Variants in HDAC9 observed in about 807,000 individuals in gnomAD.
HDAC9 encodes the protein histone deacetylase 9.
In HDAC9, 41 loss-of-function variants were observed where a neutral mutation model predicts 139.4. The ratio of observed to expected loss-of-function variants is 0.29; its 90% CI spans 0.23 to 0.38. The LOEUF (loss-of-function observed/expected upper bound fraction) is 0.38, where lower values mean the gene tolerates loss of function less well. Ranked by LOEUF, HDAC9 falls within the 10% of genes least tolerant of loss-of-function variation. HDAC9 has a pLI of 1.00. For synonymous variants in HDAC9, 517 were observed against 476.2 expected (o/e 1.09, Z -1.12); for missense variants, 1,147 against 1,297.0 (o/e 0.88, Z 1.78).
chr7:18,590,221 A>G, intron 3 of HDAC9, 115 bp from the exon 4 acceptor site: 2 of 1,085,158 alleles, frequency 1.8e-6, no homozygotes, highest in Non-Finnish European at 2.6e-6. Context: ...AAGTGGGTAC[A>G]AATATGAACT....
intron 2 of HDAC9, among the ~76,000 whole-genome samples, chr7:18,575,661 A>G (rs1825747540): frequency 1.3e-5 from 2 of 152,382 alleles, no homozygotes; most frequent in South Asian, 4.1e-4. Context: ...GTTGCCAGAA[A>G]TGTGTTAACT....
At chr7:18,449,961 T>C (rs909994309) in intron 1 of HDAC9, among the ~76,000 whole-genome samples, 1 of 152,198 alleles carries the variant, frequency 6.6e-6, no homozygotes, top group African/African-American at 2.4e-5. Context: ...TTTTGCCATT[T>C]TTCATGACAT....
At chr7:18,668,538 A>T (rs892204949) in intron 12 of HDAC9, 3 of 979,214 alleles carry the variant, frequency 3.1e-6, no homozygotes, top group Admixed American at 6.2e-5. Context: ...AAACAAAAAA[A>T]ACTATTTTTT....
intron 1 of HDAC9, among the ~76,000 whole-genome samples, chr7:18,373,917 A>G (rs1001500771): frequency 6.6e-6 from 1 of 152,116 alleles, no homozygotes; most frequent in African/African-American, 2.4e-5. Context: ...AAAGCACTCT[A>G]TAATTAGATA....
chr7:18,563,168 C>T (rs1471667607), intron 2 of HDAC9, among the ~76,000 whole-genome samples: 1 of 152,076 alleles, frequency 6.6e-6, no homozygotes, highest in Non-Finnish European at 1.5e-5. Flanking sequence ...AATGATGTTG[C>T]CCACTGACTT....
intron 2 of HDAC9, among the ~76,000 whole-genome samples, chr7:18,188,413 C>T (rs966829230): frequency 6.6e-6 from 1 of 152,178 alleles, no homozygotes; most frequent in Non-Finnish European, 1.5e-5. Flanking sequence ...AAAACCTAGG[C>T]AGTTTCATTC....
chr7:18,616,819 C>T (rs1195165624), intron 6 of HDAC9, among the ~76,000 whole-genome samples: 1 of 152,150 alleles, frequency 6.6e-6, no homozygotes, highest in Non-Finnish European at 1.5e-5. Context: ...AGTGGTGCTG[C>T]TGATCCATGG....
chr7:18,804,546 G>A (rs995797502), intron 17 of HDAC9, among the ~76,000 whole-genome samples: 49 of 152,222 alleles, frequency 3.2e-4, no homozygotes, highest in Non-Finnish European at 3.7e-4. Context: ...CACACATTTG[G>A]CCTTTCTTAA....
At chr7:18,808,762 A>AT (rs1009114476) in intron 17 of HDAC9, among the ~76,000 whole-genome samples, 1 of 151,990 alleles carries the variant, frequency 6.6e-6, no homozygotes, top group African/African-American at 2.4e-5. Context: ...TTTCAATGAC[A>AT]TTTTTCACAG....
intron 1 of HDAC9, among the ~76,000 whole-genome samples, chr7:18,349,307 T>TACACACACAC (rs3138825): frequency 0.01 from 1,278 of 125,770 alleles, 21 homozygotes; most frequent in African/African-American, 0.022. Context: ...TGAGAACATC[T>TACACACACAC]ACACACACAC....
At chr7:18,215,331 T>C (rs1311929403) in intron 2 of HDAC9, among the ~76,000 whole-genome samples, 2 of 152,166 alleles carry the variant, frequency 1.3e-5, no homozygotes, top group East Asian at 1.9e-4. Flanking sequence ...CCTTTCTTTA[T>C]GTCAAGAGAT....
At position 18,244,930 on chromosome 7, in the gene HDAC9, A is replaced by G. The variant is rs1240146143; in HGVS notation, c.25+82581A>G. Among the ~76,000 whole-genome samples, 3 of 152,100 alleles carry G rather than the reference A, an allele frequency of 2.0e-5. 1 individual carries two copies. The highest frequency in any genetic ancestry group is 4.4e-5 in the Non-Finnish European group (3 of 67,972). ...TCTGAGGATTCCTCCTTCCTGATAT[A>G]TATCTATATCTGTATCTGTATATGG... On this transcript the variant is annotated intron_variant, in intron 2 of 12. Coordinates refer to the HDAC9 transcript ENST00000417496.
intron 2 of HDAC9, among the ~76,000 whole-genome samples, chr7:18,532,320 A>G (rs111809771): frequency 0.013 from 2,011 of 152,232 alleles, 56 homozygotes; most frequent in African/African-American, 0.046. Context: ...CTAAGGCATC[A>G]CATTTTGGCC....
intron 24 of HDAC9, among the ~76,000 whole-genome samples, chr7:18,967,506 C>CCCAA (rs1491210553): frequency 8.4e-6 from 1 of 119,226 alleles, no homozygotes; most frequent in Non-Finnish European, 1.7e-5. Flanking sequence ...GCCCCCCCCC[C>CCCAA]AAAAAAAAAA....
intron 22 of HDAC9, among the ~76,000 whole-genome samples, chr7:18,881,164 C>T (rs768489755): frequency 1.3e-5 from 2 of 152,104 alleles, no homozygotes; most frequent in East Asian, 1.9e-4. Flanking sequence ...ATGTTGTCTA[C>T]GTCTTCTGCT....
intron 1 of HDAC9, among the ~76,000 whole-genome samples, chr7:18,089,357 C>G (rs1782003931): frequency 1.3e-5 from 2 of 151,962 alleles, no homozygotes; most frequent in South Asian, 4.2e-4. Context: ...AATGATGGCT[C>G]TTTTGCAATT....
chr7:18,665,463 A>G (rs1239483495), intron 11 of HDAC9, among the ~76,000 whole-genome samples: 1 of 152,148 alleles, frequency 6.6e-6, no homozygotes, highest in African/African-American at 2.4e-5. Context: ...TAAGCAGTTA[A>G]TTCATTGACT....
At chr7:18,416,816 C>G (rs1377645955) in intron 1 of HDAC9, among the ~76,000 whole-genome samples, 1 of 152,002 alleles carries the variant, frequency 6.6e-6, no homozygotes, top group Non-Finnish European at 1.5e-5. Context: ...TATACTGTTT[C>G]CTAAGAAATA....
intron 1 of HDAC9, among the ~76,000 whole-genome samples, chr7:18,096,759 C>T (rs1782528979): frequency 6.6e-6 from 1 of 152,144 alleles, no homozygotes. Context: ...TCCTATTGCT[C>T]TGTGACTCAA....
Sources: gnomAD v4.1 joint callset for allele counts (sites outside exome capture counted in the v4.1 genomes callset) on GRCh38, gnomAD v4.1.1 for gene constraint, MANE v1.5 for transcripts, NCBI Gene and HGNC (gene_info 2026-07-23, HGNC 2026-07-21) for gene names.